The following CRB2 variants were observed in gnomAD, a reference collection of about 807,000 sequenced individuals.
The protein encoded by CRB2 is protein crumbs homolog 2.
In CRB2, 85 loss-of-function variants were observed where a neutral mutation model predicts 110.9. The ratio of observed to expected loss-of-function variants is 0.77; its 90% CI spans 0.64 to 0.92. The LOEUF is 0.92. Ranked by LOEUF, CRB2 falls within the 40% of genes least tolerant of loss-of-function variation. The pLI is 0.00. For missense variants in CRB2, 1,843 were observed against 1,851.3 expected (o/e 1.00, Z 0.08); for synonymous variants, 907 against 831.0 (o/e 1.09, Z -1.57).
chr9:123,361,132 C>CGGGGCGGGGG (rs201939429), intron 1 of CRB2, among the ~76,000 whole-genome samples: 1 of 65,960 alleles, frequency 1.5e-5, no homozygotes, highest in African/African-American at 4.4e-5. Flanking sequence ...ATTGGATGGG[C>CGGGGCGGGGG]GGGGAGGGGG....
rs762496290 is a variant in CRB2 at position 123,366,012 on chromosome 9, T to C, written c.514T>C (p.Cys172Arg). 1.4e-5 allele frequency: 23 copies of C among 1,594,642 alleles called. No homozygotes were observed. The highest frequency in any genetic ancestry group is 2.2e-5 in the East Asian group (1 of 44,530). The change falls in exon 3 of 13, where the codon TGC (cysteine) becomes CGC (arginine). Residue 172 changes from cysteine to arginine, a missense_variant. Physicochemically the swap from Cys to Arg is radical, Grantham distance 180. Coordinates refer to ENST00000373631, the MANE Select transcript of CRB2 (RefSeq NM_173689.7). ...CGGCGTGGGCTCCTTCCGCTGTGTG[T>C]GCGCGCCAGGCTACGGGGGCACCCG... is the stretch of plus-strand genomic sequence containing the variant. Reference protein sequence around the residue: ...LDGVGSFRCVCAPGYGGTRCQ... With the variant: ...LDGVGSFRCVRAPGYGGTRCQ...
At position 123,366,110 on chromosome 9, in the gene CRB2, C is replaced by T. The variant is rs570941986; in HGVS notation, c.612C>T (p.Asn204=). The T allele has an allele frequency of 1.3e-5, 19 of 1,462,582 alleles. No homozygotes were observed. Among genetic ancestry groups the T allele is most frequent in the East Asian group, 2.8e-5 (1 of 35,498 alleles). 90.6% of individuals were successfully genotyped at this position (1,462,582 alleles called of 1,614,324 possible). The stretch of plus-strand genomic sequence containing the variant: ...GGGGCACGTGCCACGACCTGGTCAA[C>T]GGGTGAGCGAGCGGCGGGGCAGGCG... ...AHGGTCHDLV[N]GFRCDCAGTG... Residue 204 remains asparagine, a splice_region_variant and synonymous_variant, in exon 3 of 13, where the codon AAC becomes AAT. Transcript: ENST00000373631.
At position 123,373,316 on chromosome 9, in the gene CRB2, C is replaced by A; in HGVS notation, c.2785C>A (p.Leu929Met). Residue 929 changes from leucine to methionine, a missense_variant, in exon 10 of 13, where the codon CTG becomes ATG. By Grantham distance (15) the Leu-to-Met change is conservative. Coordinates refer to ENST00000373631, the MANE Select transcript of CRB2 (RefSeq NM_173689.7). ...GVWLAVRNGSLAGGVRGGHGL... is the reference protein window; with the variant it reads ...GVWLAVRNGSMAGGVRGGHGL... ...GTGGCTGGCGGTGCGCAATGGCTCG[C>A]TGGCGGGGGGCGTGCGCGGAGGCCA... 1 of 1,459,504 alleles carries A rather than the reference C, an allele frequency of 6.9e-7. No individual in the cohort carries two copies. The highest frequency in any genetic ancestry group is 9.0e-7 in the Non-Finnish European group (1 of 1,114,776). The allele number at this position is 1,459,504 out of a possible 1,614,324, so 90.4% of individuals were successfully genotyped here.
rs187641797 is a variant in CRB2, at chr9:123,374,924, C to T, written c.3506+229C>T. On this transcript the variant is annotated intron_variant, in intron 11 of 12. Transcript: ENST00000373631. ...CAGTTCTGGAAACCCAGCCTCAGCC[C>T]GCCTGTGGGAGACCATAAAAGTGCA... Among the ~76,000 whole-genome samples the T allele has an allele frequency of 5.2e-3, 785 of 152,352 alleles. 7 individuals are homozygous for T. The highest frequency in any genetic ancestry group is 0.011 in the African/African-American group (464 of 41,580).
chr9:123,360,382 G>A (rs1412253960), intron 1 of CRB2, among the ~76,000 whole-genome samples: 1 of 152,154 alleles, frequency 6.6e-6, no homozygotes, highest in Non-Finnish European at 1.5e-5. Context: ...TCGTTGCCCT[G>A]GCAACAGGCC....
intron 1 of CRB2, among the ~76,000 whole-genome samples, chr9:123,357,157 A>T (rs1417334827): frequency 1.3e-5 from 2 of 152,040 alleles, no homozygotes; most frequent in African/African-American, 4.8e-5. Flanking sequence ...CAGCATTCCA[A>T]GGCCAATCTG....
chr9:123,356,694 G>A (rs1327789044), intron 1 of CRB2, among the ~76,000 whole-genome samples: 1 of 152,048 alleles, frequency 6.6e-6, no homozygotes, highest in Admixed American at 6.5e-5. Flanking sequence ...AGGGCTGGGG[G>A]ACTTCTGGGT....
rs538980347 is a variant in CRB2, at chr9:123,373,385, G to A, written c.2854G>A (p.Ala952Thr). Residue 952 changes from alanine to threonine, a missense_variant, in exon 10 of 13, where the codon GCC (alanine) becomes ACC (threonine). Transcript: ENST00000373631. ...GCTGCCCATACCGGGGCCGCGCGTG[G>A]CCGATGGTGCCTGGCACCGCGTGCG... ...AVLPIPGPRV[A>T]DGAWHRVRLA... The A allele has an allele frequency of 1.4e-6, 2 of 1,434,216 alleles. No homozygotes were observed. Among genetic ancestry groups the A allele is most frequent in the Admixed American group, 2.8e-5 (1 of 35,118 alleles). The allele number at this position is 1,434,216 out of a possible 1,614,324, so 88.8% of individuals were successfully genotyped here. A position where few individuals can be genotyped will look rare whatever the true frequency, so the allele number is the denominator to read the frequency against.
chr9:123,371,724 A>G, intron 8 of CRB2, 146 bp downstream of exon 8: 1 of 1,124,432 alleles, frequency 8.9e-7, no homozygotes, highest in African/African-American at 1.5e-5. Context: ...GTCCCACTAC[A>G]GGAGGGTGGC....
chr9:123,356,333 C>T lies in CRB2; in HGVS notation c.73C>T (p.Pro25Ser). Residue 25 changes from proline (P) to serine (S), a missense_variant, in exon 1 of 13, where the codon CCT becomes TCT. Coordinates refer to ENST00000373631, the MANE Select transcript of CRB2 (RefSeq NM_173689.7). ...TGTCCTGCTACTGCTGCTCTGGGCC[C>T]CTGCCCTTTCCCTCCTGGCTGGTGA... ...ASVLLLLLWA[P>S]ALSLLAGTVP... 1.9e-6 allele frequency: 3 copies of T among 1,547,510 alleles called. No individual in the cohort carries two copies. Among genetic ancestry groups the T allele is most frequent in the South Asian group, 2.4e-5 (2 of 83,692 alleles).
intron 2 of CRB2, among the ~76,000 whole-genome samples, chr9:123,364,818 C>G (rs572378002): frequency 6.6e-6 from 1 of 152,182 alleles, no homozygotes; most frequent in African/African-American, 2.4e-5. Context: ...ACTCAGCTGT[C>G]GTGATTCGCC....
intron 5 of CRB2, 77 bp downstream of exon 5, chr9:123,367,434 C>T (rs1564372114): frequency 2.1e-6 from 2 of 931,470 alleles, no homozygotes; most frequent in African/African-American, 2.9e-5. Flanking sequence ...CCCCCACCCC[C>T]CCCACCCCCC....
In CRB2 at chr9:123,373,997, G is replaced by A. The variant is rs761413168; in HGVS notation, c.3389+77G>A. 1.1e-5 allele frequency: 17 copies of A among 1,525,470 alleles called. No homozygotes were observed. The African/African-American group carries it at 2.2e-4, about 20-fold the overall frequency. The allele number at this position is 1,525,470 out of a possible 1,614,324, so 94.5% of individuals were successfully genotyped here. A position where few individuals can be genotyped will look rare whatever the true frequency, so the allele number is the denominator to read the frequency against. On this transcript the variant is annotated intron_variant, in intron 10 of 12. Transcript: ENST00000373631. Reference sequence around the variant, plus strand: ...TGGGGCAGAGAAGTCTGCCAGGTCTGTGGATGAGTCGCTTCCCTTCCCTGG... The same window carrying A: ...TGGGGCAGAGAAGTCTGCCAGGTCTATGGATGAGTCGCTTCCCTTCCCTGG...
rs1357970972 is a variant in CRB2 at position 123,373,338 on chromosome 9, G to T, written c.2807G>T (p.Gly936Val). ...TCGCTGGCGGGGGGCGTGCGCGGAG[G>T]CCATGGCCTGCCCGGCGCTGTGCTG... is the stretch of plus-strand genomic sequence containing the variant. ...NGSLAGGVRG[G>V]HGLPGAVLPI... The change falls in exon 10 of 13, where the codon GGC becomes GTC. Residue 936 changes from glycine to valine, a missense_variant. Physicochemically the swap from Gly to Val is moderately radical, Grantham distance 109. Transcript: ENST00000373631. The T allele has an allele frequency of 6.9e-7, 1 of 1,439,636 alleles. No homozygotes were observed. The highest frequency in any genetic ancestry group is 9.0e-7 in the Non-Finnish European group (1 of 1,105,162). The allele number at this position is 1,439,636 out of a possible 1,614,324, so 89.2% of individuals were successfully genotyped here. A position where few individuals can be genotyped will look rare whatever the true frequency, so the allele number is the denominator to read the frequency against.
At chr9:123,365,891 C>T (rs2041923616) in intron 2 of CRB2, 26 bp from the exon 3 acceptor site, 1 of 1,575,124 alleles carries the variant, frequency 6.3e-7, no homozygotes, top group Admixed American at 1.7e-5. Context: ...CCATCCTGCA[C>T]CCTGTGTGTC....
At position 123,377,111 on chromosome 9, in the gene CRB2, A is replaced by T; in HGVS notation, c.*49A>T. 1 of 1,444,092 alleles carries T rather than the reference A, an allele frequency of 6.9e-7. No individual in the cohort carries two copies. The highest frequency in any genetic ancestry group is 9.2e-7 in the Non-Finnish European group (1 of 1,084,326). 89.5% of individuals were successfully genotyped at this position (1,444,092 alleles called of 1,614,324 possible). On this transcript the variant is annotated 3_prime_UTR_variant, in exon 13 of 13. Coordinates refer to ENST00000373631, the MANE Select transcript of CRB2 (RefSeq NM_173689.7). ...CACCTGGAGGTCCTGAATGGTTTCTACCTGGAGACCCAAGGAAGCTGCTTC... is the reference window on the plus strand; with the variant it reads ...CACCTGGAGGTCCTGAATGGTTTCTTCCTGGAGACCCAAGGAAGCTGCTTC...
Position 123,366,003 on chromosome 9 carries a change from C to T in CRB2, c.505C>T (p.Arg169Cys), listed in dbSNP as rs758338569. ...GSCLDGVGSF[R>C]CVCAPGYGGT... ...GTGCCTGGACGGCGTGGGCTCCTTC[C>T]GCTGTGTGTGCGCGCCAGGCTACGG... The change falls in exon 3 of 13, where the codon CGC (arginine) becomes TGC (cysteine). Residue 169 changes from arginine to cysteine, a missense_variant. Arg to Cys is a radical substitution (Grantham distance 180, BLOSUM62 -3). Coordinates refer to ENST00000373631, the MANE Select transcript of CRB2 (RefSeq NM_173689.7). The T allele has an allele frequency of 4.4e-6, 7 of 1,596,310 alleles. No homozygotes were observed. Among genetic ancestry groups the T allele is most frequent in the African/African-American group, 1.3e-5 (1 of 74,788 alleles).
rs1229041730 is a variant in CRB2, at chr9:123,376,936, G to T, written c.3732G>T (p.Gly1244=). 6.2e-7 allele frequency: 1 copy of T among 1,607,216 alleles called. No homozygotes were observed. The highest frequency in any genetic ancestry group is 1.3e-5 in the African/African-American group (1 of 74,868). ...TCCTCCTCCTGGGCCTCCTTTCAGGGATCCTGGCAGCCCGAAAGCGCCGCC... is the reference window on the plus strand; with the variant it reads ...TCCTCCTCCTGGGCCTCCTTTCAGGTATCCTGGCAGCCCGAAAGCGCCGCC... ...LLLLLLGLLS[G]ILAARKRRQS... is the part of the protein sequence containing the mutation. The change falls in exon 13 of 13, where the codon GGG becomes GGT. Residue 1244 remains glycine (G), a synonymous_variant. Transcript: ENST00000373631.
At chr9:123,368,933 G>A in intron 6 of CRB2, 1 of 1,249,320 alleles carries the variant, frequency 8.0e-7, no homozygotes. Flanking sequence ...TGGGCCACCT[G>A]TGGCTCCTGG....
Sources: allele counts gnomAD v4.1 joint callset (sites outside exome capture counted in the v4.1 genomes callset), GRCh38; gene constraint gnomAD v4.1.1; transcripts MANE v1.5; gene names NCBI Gene and HGNC (gene_info 2026-07-23, HGNC 2026-07-21).